TFG: variants seen among roughly 807,000 people sequenced by gnomAD.
TFG encodes the protein trafficking from ER to golgi regulator.
Under a neutral mutation model 51.4 loss-of-function variants are expected in TFG, and 22 were observed. That is an observed-to-expected ratio of 0.43 (90% CI 0.31 to 0.61). TFG has a LOEUF of 0.61. Ranked by LOEUF, TFG falls within the 20% of genes least tolerant of loss-of-function variation. TFG has a pLI of 0.12. For synonymous variants in TFG, 187 were observed against 165.6 expected (o/e 1.13, Z -0.99); for missense variants, 419 against 487.7 (o/e 0.86, Z 1.33).
intron 6 of TFG, chr3:100,742,581 C>G (rs978585200): frequency 6.6e-6 from 1 of 152,136 alleles, no homozygotes; most frequent in African/African-American, 2.4e-5. Context: ...GTCGTTCAGA[C>G]TGAGATCATT....
chr3:100,736,261 T>C (rs1186467023), intron 5 of TFG, among the ~76,000 whole-genome samples: 1 of 152,146 alleles, frequency 6.6e-6, no homozygotes, highest in East Asian at 1.9e-4. Context: ...TTTTGGTTCC[T>C]GTGCAGAATA....
At position 100,731,046 on chromosome 3, in the gene TFG, G is replaced by A. The variant is rs182228082; in HGVS notation, c.416-1462G>A. Among the ~76,000 whole-genome samples, 16 of 152,282 alleles carry A rather than the reference G, an allele frequency of 1.1e-4. 1 individual carries two copies. In the East Asian group the frequency reaches 2.5e-3, roughly 24 times the overall value. On this transcript the variant is annotated intron_variant, in intron 4 of 7. Transcript: ENST00000240851. ...ATATTAGGGTAGCCTGGAATGGTATGTTAGGAATGAATGAGCTGCCAGCCA... is the reference window on the plus strand; with the variant it reads ...ATATTAGGGTAGCCTGGAATGGTATATTAGGAATGAATGAGCTGCCAGCCA...
rs2095158817 is a variant in TFG, at chr3:100,748,760, C to T, written c.*229C>T. 1 of 516,944 alleles carries T rather than the reference C, an allele frequency of 1.9e-6. No homozygotes were observed. The highest frequency in any genetic ancestry group is 3.4e-6 in the Non-Finnish European group (1 of 294,430). The allele number at this position is 516,944 out of a possible 1,614,324, so 32.0% of individuals were successfully genotyped here. A position where few individuals can be genotyped will look rare whatever the true frequency, so the allele number is the denominator to read the frequency against. On this transcript the variant is annotated 3_prime_UTR_variant, in exon 8 of 8. Coordinates refer to ENST00000240851, the MANE Select transcript of TFG (RefSeq NM_006070.6). Reference sequence around the variant, plus strand: ...TAGCAGCTTCTTAGTTACTTTGGAACACTACTCTTACATGTATAAAGTGAT... The same window carrying T: ...TAGCAGCTTCTTAGTTACTTTGGAATACTACTCTTACATGTATAAAGTGAT...
chr3:100,723,921 A>G (rs2095067776), intron 3 of TFG, among the ~76,000 whole-genome samples: 1 of 152,142 alleles, frequency 6.6e-6, no homozygotes. Context: ...ACAGATAATT[A>G]GATATCTTAA....
At chr3:100,729,163 G>C (rs563508042) in intron 4 of TFG, among the ~76,000 whole-genome samples, 48 of 152,228 alleles carry the variant, frequency 3.2e-4, no homozygotes, top group Non-Finnish European at 4.4e-5. Flanking sequence ...TTTTGGATTT[G>C]TTACACAGGT....
chr3:100,727,969 A>G (rs1036434829), intron 3 of TFG, among the ~76,000 whole-genome samples: 1 of 152,084 alleles, frequency 6.6e-6, no homozygotes, highest in Non-Finnish European at 1.5e-5. Flanking sequence ...AGTAGCTGGG[A>G]CTGCAGGCAT....
At chr3:100,721,660 A>C (rs1038808347) in intron 3 of TFG, among the ~76,000 whole-genome samples, 1 of 152,130 alleles carries the variant, frequency 6.6e-6, no homozygotes, top group East Asian at 1.9e-4. Flanking sequence ...AAAGGCCAAA[A>C]TCTCTCTTGA....
At chr3:100,716,738 G>A (rs1371967159) in intron 2 of TFG, among the ~76,000 whole-genome samples, 1 of 152,104 alleles carries the variant, frequency 6.6e-6, no homozygotes, top group Admixed American at 6.5e-5. Flanking sequence ...CCTAACTGGG[G>A]TGAACCTTGT....
intron 6 of TFG, among the ~76,000 whole-genome samples, chr3:100,738,128 A>G (rs748541751): frequency 6.6e-6 from 1 of 152,056 alleles, no homozygotes; most frequent in African/African-American, 2.4e-5. Context: ...GATGAACACC[A>G]GTCATTATGG....
intron 6 of TFG, 133 bp downstream of exon 6, chr3:100,736,849 T>C: frequency 1.0e-6 from 1 of 988,888 alleles, no homozygotes; most frequent in Non-Finnish European, 1.5e-6. Context: ...TGACATGATT[T>C]GATGTTAAAA....
At position 100,709,588 on chromosome 3, in the gene TFG, G is replaced by C. The variant is rs1342993079; in HGVS notation, c.-177G>C. On this transcript the variant is annotated 5_prime_UTR_variant, in exon 1 of 8. Transcript: ENST00000240851. ...GGGGCCCGCGCGAGCCTGCGAGCGAGGTGCGGCGGTCGCGAAGGGCAACCG... is the reference window on the plus strand; with the variant it reads ...GGGGCCCGCGCGAGCCTGCGAGCGACGTGCGGCGGTCGCGAAGGGCAACCG... 6.6e-6 allele frequency: 1 copy of C among 151,900 alleles called. No individual in the cohort carries two copies. The highest frequency in any genetic ancestry group is 6.5e-5 in the Admixed American group (1 of 15,272). 9.4% of individuals were successfully genotyped at this position (151,900 alleles called of 1,614,324 possible).
At chr3:100,732,431 T>C (rs1262214085) in intron 4 of TFG, 77 bp from the exon 5 acceptor site, 1 of 1,002,622 alleles carries the variant, frequency 1.0e-6, no homozygotes, top group Admixed American at 2.4e-5. Context: ...ACCTGCATTA[T>C]TTCCCTTGTA....
chr3:100,734,474 A>G (rs1434480329), intron 5 of TFG, among the ~76,000 whole-genome samples: 2 of 152,184 alleles, frequency 1.3e-5, no homozygotes, highest in African/African-American at 4.8e-5. Flanking sequence ...TTGTCTAGCC[A>G]TAAGGTTGTT....
chr3:100,740,230 A>G (rs1004693048), intron 6 of TFG, among the ~76,000 whole-genome samples: 3 of 152,178 alleles, frequency 2.0e-5, no homozygotes, highest in Non-Finnish European at 4.4e-5. Context: ...TAATTATCTC[A>G]TACAGTTTTA....
chr3:100,714,232 G>T (rs1214330199), intron 2 of TFG, among the ~76,000 whole-genome samples: 1 of 152,094 alleles, frequency 6.6e-6, no homozygotes. Context: ...GGGCGCAGCA[G>T]CTCATGCCTG....
chr3:100,734,925 T>G (rs1264490225), intron 5 of TFG, among the ~76,000 whole-genome samples: 2 of 152,218 alleles, frequency 1.3e-5, no homozygotes, highest in Non-Finnish European at 2.9e-5. Flanking sequence ...TTTGTAGTTC[T>G]TCAGGTGTGA....
rs2095107182 is a variant in TFG, at chr3:100,736,619, C to T, written c.624C>T (p.Asp208=). 3 of 1,613,886 alleles carry T rather than the reference C, an allele frequency of 1.9e-6. No individual in the cohort carries two copies. In the South Asian group the frequency reaches 3.3e-5, roughly 18 times the overall value. ...CAGAAGATCGTTCAGGAACACCCGA[C>T]AGCATTGCTTCCTCCTCCTCAGCAG... ...APAEDRSGTP[D]SIASSSSAAH... is the part of the protein sequence containing the mutation. The change falls in exon 6 of 8, where the codon GAC becomes GAT. Residue 208 remains aspartate (D), a synonymous_variant. Transcript: ENST00000240851.
intron 4 of TFG, among the ~76,000 whole-genome samples, chr3:100,730,378 A>G (rs891798447): frequency 2.6e-5 from 4 of 152,116 alleles, no homozygotes; most frequent in Non-Finnish European, 4.4e-5. Flanking sequence ...ACCTATGTTA[A>G]TGTAAAAGGT....
rs142835522 is a variant in TFG at position 100,738,941 on chromosome 3, T to C, written c.721+2225T>C. On this transcript the variant is annotated intron_variant, in intron 6 of 7. Transcript: ENST00000240851. ...TTTTTGGTACTGTGTATTGGAAGTC[T>C]GGGATTTGACACTGATTTGGAACAC... Among the ~76,000 whole-genome samples, 523 of 152,330 alleles carry C rather than the reference T, an allele frequency of 3.4e-3. 5 individuals carry two copies. The highest frequency in any genetic ancestry group is 5.0e-3 in the Non-Finnish European group (342 of 68,016).
Sources: gnomAD v4.1 joint callset for allele counts (sites outside exome capture counted in the v4.1 genomes callset) on GRCh38, gnomAD v4.1.1 for gene constraint, MANE v1.5 for transcripts, NCBI Gene and HGNC (gene_info 2026-07-23, HGNC 2026-07-21) for gene names.